Variants in PDS5A observed in about 807,000 individuals in gnomAD.
PDS5A encodes sister chromatid cohesion protein PDS5 homolog A.
PDS5A carries 42 observed loss-of-function variants against 167.1 expected under a neutral mutation model. The observed-to-expected ratio is 0.25, with a 90% CI of 0.20 to 0.33. The LOEUF (loss-of-function observed/expected upper bound fraction) is 0.33, where lower values mean the gene tolerates loss of function less well. PDS5A is among the 10% of genes least tolerant of loss of function. The pLI is 1.00. For missense variants in PDS5A, 1,033 were observed against 1,605.9 expected, an observed-to-expected ratio of 0.64 and a Z score of 6.10; for synonymous variants, 553 against 554.6, an observed-to-expected ratio of 1.00 and a Z score of 0.04.
At chr4:39,962,958 C>A (rs1396378329) in intron 2 of PDS5A, among the ~76,000 whole-genome samples, 1 of 150,474 alleles carries the variant, frequency 6.6e-6, no homozygotes, top group Non-Finnish European at 1.5e-5. Flanking sequence ...CAAAACTCCA[C>A]CTCAAAAAAA....
chr4:39,916,980 A>G (rs878996588), intron 8 of PDS5A, 68 bp downstream of exon 8: 29 of 973,886 alleles, frequency 3.0e-5, no homozygotes, highest in Non-Finnish European at 3.8e-5. Flanking sequence ...AAATTGGTCA[A>G]TTTTACATTG....
At chr4:39,930,253 TTG>T (rs1419339760) in intron 2 of PDS5A, among the ~76,000 whole-genome samples, 4 of 121,042 alleles carry the variant, frequency 3.3e-5, no homozygotes, top group African/African-American at 8.1e-5. Flanking sequence ...AAAAGTTTTT[TTG>T]TTTTTTGTTT....
intron 5 of PDS5A, among the ~76,000 whole-genome samples, chr4:39,924,920 T>G (rs1725314900): frequency 6.6e-6 from 1 of 152,172 alleles, no homozygotes; most frequent in African/African-American, 2.4e-5. Context: ...TAGACCAGCC[T>G]GGCCAACATG....
chr4:39,896,026 GTTTT>G (rs34412885), intron 16 of PDS5A, among the ~76,000 whole-genome samples: 4 of 132,990 alleles, frequency 3.0e-5, no homozygotes, highest in Non-Finnish European at 4.8e-5. Flanking sequence ...ACCTGGCCCG[GTTTT>G]TTTTTTTTTT....
At chr4:39,879,024 G>A (rs1213915099) in intron 18 of PDS5A, among the ~76,000 whole-genome samples, 1 of 152,198 alleles carries the variant, frequency 6.6e-6, no homozygotes, top group Non-Finnish European at 1.5e-5. Context: ...TTACAGGCAT[G>A]AGCTGCCGAG....
intron 2 of PDS5A, among the ~76,000 whole-genome samples, chr4:39,944,363 A>T (rs1321593943): frequency 6.6e-6 from 1 of 152,046 alleles, no homozygotes; most frequent in Non-Finnish European, 1.5e-5. Flanking sequence ...CTCAAGGGGA[A>T]TTCATAAGGT....
At chr4:39,846,049 A>G (rs536771495) in intron 28 of PDS5A, 169 bp from the exon 29 acceptor site, 9 of 575,482 alleles carry the variant, frequency 1.6e-5, no homozygotes, top group East Asian at 8.2e-5. Flanking sequence ...AAGCCATACC[A>G]TAAGTCTAGC....
At chr4:39,867,486 C>T (rs1290672991) in intron 22 of PDS5A, among the ~76,000 whole-genome samples, 2 of 148,564 alleles carry the variant, frequency 1.3e-5, no homozygotes, top group Non-Finnish European at 3.0e-5. Flanking sequence ...TGAGGTCAGG[C>T]GTTTGAGACC....
intron 17 of PDS5A, among the ~76,000 whole-genome samples, chr4:39,889,902 A>C (rs772805614): frequency 3.9e-5 from 6 of 152,250 alleles, no homozygotes; most frequent in Non-Finnish European, 7.3e-5. Context: ...GTACTACAGA[A>C]TATTACAGGG....
chr4:39,917,021 A>AT (rs1343661256), intron 8 of PDS5A, 27 bp downstream of exon 8: 17 of 1,395,940 alleles, frequency 1.2e-5, no homozygotes, highest in Non-Finnish European at 1.6e-5. Context: ...AAATTAAAAA[A>AT]AAAAAAAGAA....
intron 27 of PDS5A, 24 bp from the exon 28 acceptor site, chr4:39,848,994 ATAAC>A (rs1372172400): frequency 6.6e-7 from 1 of 1,511,018 alleles, no homozygotes; most frequent in Non-Finnish European, 9.0e-7. Flanking sequence ...CGAATCATAT[ATAAC>A]TTTTAGTATT....
chr4:39,874,260 T>C (rs1356959668), intron 20 of PDS5A, 29 bp downstream of exon 20: 6 of 1,582,694 alleles, frequency 3.8e-6, no homozygotes, highest in Middle Eastern at 1.7e-4. Context: ...TAAAGACCAA[T>C]ATAAACACAA....
intron 2 of PDS5A, among the ~76,000 whole-genome samples, chr4:39,969,527 G>A (rs556085165): frequency 5.9e-5 from 9 of 152,192 alleles, no homozygotes; most frequent in African/African-American, 1.2e-4. Flanking sequence ...TTAGCCAGGC[G>A]TGGTGGTGGA....
chr4:39,827,006 A>T (rs1041572052), intron 32 of PDS5A, among the ~76,000 whole-genome samples: 19 of 145,634 alleles, frequency 1.3e-4, no homozygotes, highest in African/African-American at 4.5e-4. Context: ...CTATTAAAGA[A>T]TTTTTTTTTT....
At chr4:39,846,027 T>C in intron 28 of PDS5A, 147 bp from the exon 29 acceptor site, 1 of 665,888 alleles carries the variant, frequency 1.5e-6, no homozygotes, top group Non-Finnish European at 2.1e-6. Flanking sequence ...TATCAAACAA[T>C]CAAAACAATC....
At chr4:39,943,091 C>A (rs1727371303) in intron 2 of PDS5A, among the ~76,000 whole-genome samples, 1 of 150,320 alleles carries the variant, frequency 6.7e-6, no homozygotes, top group African/African-American at 2.5e-5. Context: ...AGAAATGCCT[C>A]CAAAATTTGC....
At chr4:39,893,369 A>G (rs1349176205) in intron 16 of PDS5A, among the ~76,000 whole-genome samples, 1 of 152,194 alleles carries the variant, frequency 6.6e-6, no homozygotes, top group Non-Finnish European at 1.5e-5. Context: ...ATCTTTGCTC[A>G]AAGTATGTTT....
chr4:39,943,338 AT>A (rs1274264014), intron 2 of PDS5A, among the ~76,000 whole-genome samples: 2 of 152,236 alleles, frequency 1.3e-5, no homozygotes, highest in Non-Finnish European at 2.9e-5. Context: ...AGACTACTTG[AT>A]ATATAATTTA....
intron 26 of PDS5A, among the ~76,000 whole-genome samples, chr4:39,857,274 C>G (rs1209920818): frequency 6.6e-6 from 1 of 151,416 alleles, no homozygotes. Flanking sequence ...ATGGCGTGAA[C>G]CCGGGAGGCG....
Sources: gnomAD v4.1 joint callset for allele counts (sites outside exome capture counted in the v4.1 genomes callset) on GRCh38, gnomAD v4.1.1 for gene constraint, MANE v1.5 for transcripts, NCBI Gene and HGNC (gene_info 2026-07-23, HGNC 2026-07-21) for gene names.